BMS1: variants seen among roughly 807,000 people sequenced by gnomAD.
The protein encoded by BMS1 is ribosome biogenesis protein BMS1 homolog.
A neutral mutation model predicts 138.7 loss-of-function variants in BMS1; 53 were observed. The observed-to-expected ratio is 0.38, with a 90% CI of 0.31 to 0.48. The LOEUF is 0.48. Among genes scored for constraint, BMS1 ranks in the 20% least tolerant of loss-of-function variants. The probability of loss-of-function intolerance (pLI) is 0.97; values close to 1 mark genes in which losing one functional copy is unlikely to be tolerated. For missense variants in BMS1, 1,360 were observed against 1,565.5 expected (o/e 0.87, Z 2.22); for synonymous variants, 504 against 539.9 (o/e 0.93, Z 0.92).
Position 42,798,516 on chromosome 10 carries a change from G to T in BMS1, c.2138G>T (p.Gly713Val). Residue 713 changes from glycine to valine, a missense_variant, in exon 12 of 23, where the codon GGA becomes GTA. This residue lies in a region of BMS1 where 697 missense variants were observed against 686.2 expected (regional missense o/e 1.02). Coordinates refer to ENST00000374518, the MANE Select transcript of BMS1 (RefSeq NM_014753.4). ...EEDDDTLEEL[G>V]GLFRVNQPDR... ...GATGATGATACTCTAGAAGAGCTTG[G>T]AGGGTTGTTTCGTGTCAACCAGCCT... 6.2e-7 allele frequency: 1 copy of T among 1,614,262 alleles called. No individual in the cohort carries two copies. Among genetic ancestry groups the T allele is most frequent in the Non-Finnish European group, 8.5e-7 (1 of 1,180,046 alleles).
intron 4 of BMS1, among the ~76,000 whole-genome samples, chr10:42,788,301 G>A (rs1234050177): frequency 6.6e-6 from 1 of 152,000 alleles, no homozygotes; most frequent in Non-Finnish European, 1.5e-5. Flanking sequence ...TTAAAATGTA[G>A]CAAGCTTCTA....
chr10:42,793,278 A>G lies in BMS1; in HGVS notation c.1089+134A>G, dbSNP rs112370215. The stretch of plus-strand genomic sequence containing the variant: ...TCTTGTACTTATAATAAAGGCCCAA[A>G]TGCATATTGTAAATATATAGGATAA... On this transcript the variant is annotated intron_variant, in intron 8 of 22. Coordinates refer to ENST00000374518, the MANE Select transcript of BMS1 (RefSeq NM_014753.4). 1.7e-3 allele frequency: 1,351 copies of G among 815,780 alleles called. 17 individuals carry two copies. The African/African-American group carries it at 0.02, about 12-fold the overall frequency. 50.5% of individuals were successfully genotyped at this position (815,780 alleles called of 1,614,324 possible).
chr10:42,790,624 C>A, intron 5 of BMS1, 113 bp downstream of exon 5: 3 of 1,157,204 alleles, frequency 2.6e-6, no homozygotes, highest in Non-Finnish European at 3.6e-6. Context: ...AAGGCAGAGG[C>A]GGTCGGATCA....
intron 19 of BMS1, 122 bp from the exon 20 acceptor site, chr10:42,822,996 A>G (rs530203022): frequency 9.4e-7 from 1 of 1,059,104 alleles, no homozygotes; most frequent in Non-Finnish European, 1.3e-6. Flanking sequence ...CATTTTGTTT[A>G]TTTTATCACC....
At chr10:42,828,089 C>G (rs1254099748) in intron 21 of BMS1, among the ~76,000 whole-genome samples, 3 of 152,206 alleles carry the variant, frequency 2.0e-5, no homozygotes, top group Non-Finnish European at 2.9e-5. Flanking sequence ...GCTGCCACGC[C>G]CTGGACCAAG....
intron 12 of BMS1, among the ~76,000 whole-genome samples, chr10:42,800,916 G>A (rs1349072470): frequency 6.6e-6 from 1 of 152,170 alleles, no homozygotes; most frequent in Non-Finnish European, 1.5e-5. Context: ...TATAAATGTA[G>A]TTGATGTGCC....
rs1842839554 is a variant in BMS1, at chr10:42,834,091, A to G, written c.*2995A>G. The G allele has an allele frequency of 6.6e-6, 1 of 152,226 alleles. No individual in the cohort carries two copies. The highest frequency in any genetic ancestry group is 1.5e-5 in the Non-Finnish European group (1 of 68,044). 9.4% of individuals were successfully genotyped at this position (152,226 alleles called of 1,614,324 possible). On this transcript the variant is annotated 3_prime_UTR_variant, in exon 23 of 23. Transcript: ENST00000374518. ...AAAATTATTCTGTTATACCTTTTCT[A>G]TTTACTAGGCACAGGCAGCCATAGG... is the stretch of plus-strand genomic sequence containing the variant.
Position 42,792,581 on chromosome 10 carries a change from C to A in BMS1, c.868C>A (p.His290Asn), listed in dbSNP as rs570256607. Residue 290 changes from histidine to asparagine, a missense_variant, in exon 7 of 23, where the codon CAC becomes AAC. By Grantham distance (68) the His-to-Asn change is moderately conservative. Around this residue, in one of 3 missense-constraint regions of BMS1, gnomAD observed 697 missense variants for 686.2 expected, o/e 1.02. Coordinates refer to ENST00000374518, the MANE Select transcript of BMS1 (RefSeq NM_014753.4). ...ACTTTATGGTTATTTAAGAGGAGCA[C>A]ACTTGAAAAATAAAAGCCAAATTCA... ...VSLYGYLRGA[H>N]LKNKSQIHMP... The A allele has an allele frequency of 2.0e-5, 33 of 1,610,432 alleles. No individual in the cohort carries two copies. The South Asian group carries it at 3.5e-4, about 17-fold the overall frequency.
In BMS1 at chr10:42,790,220, A is replaced by G; in HGVS notation, c.448-103A>G. 7 of 1,068,032 alleles carry G rather than the reference A, an allele frequency of 6.6e-6. No homozygotes were observed. The South Asian group carries it at 9.8e-5, about 15-fold the overall frequency. The allele number at this position is 1,068,032 out of a possible 1,614,324, so 66.2% of individuals were successfully genotyped here. A position where few individuals can be genotyped will look rare whatever the true frequency, so the allele number is the denominator to read the frequency against. ...TGTTCCAATAAAACTTTAGTTACAA[A>G]CACAGGTGATGGGCTGGATTTTGCC... On this transcript the variant is annotated intron_variant, in intron 4 of 22. Transcript: ENST00000374518.
At chr10:42,787,567 A>G (rs1280878303) in intron 4 of BMS1, among the ~76,000 whole-genome samples, 2 of 152,370 alleles carry the variant, frequency 1.3e-5, no homozygotes, top group Non-Finnish European at 2.9e-5. Flanking sequence ...TATCATAGTA[A>G]GTACCATTTC....
Position 42,817,361 on chromosome 10 carries a change from A to G in BMS1, c.2447A>G (p.Asp816Gly). 7 of 1,608,270 alleles carry G rather than the reference A, an allele frequency of 4.4e-6. No homozygotes were observed. The highest frequency in any genetic ancestry group is 5.9e-6 in the Non-Finnish European group (7 of 1,178,784). ...EKEVKEEIDP[D>G]EEESAKKKHL... ...GAAGTTAAGGAAGAAATTGACCCCGACGAAGAAGAAAGTGCCAAGAAAAAG... is the reference window on the plus strand; with the variant it reads ...GAAGTTAAGGAAGAAATTGACCCCGGCGAAGAAGAAAGTGCCAAGAAAAAG... Residue 816 changes from aspartate to glycine, a missense_variant, in exon 15 of 23, where the codon GAC becomes GGC. By Grantham distance (94) the Asp-to-Gly change is moderately conservative (BLOSUM62 -1). Coordinates refer to ENST00000374518, the MANE Select transcript of BMS1 (RefSeq NM_014753.4).
intron 4 of BMS1, among the ~76,000 whole-genome samples, chr10:42,789,861 A>G (rs1346679372): frequency 6.6e-6 from 1 of 152,158 alleles, no homozygotes. Flanking sequence ...AGAAAACTTG[A>G]TTTCTTTAAA....
intron 21 of BMS1, among the ~76,000 whole-genome samples, chr10:42,828,716 A>G (rs1842725590): frequency 6.6e-6 from 1 of 152,124 alleles, no homozygotes. Flanking sequence ...CAGCTTAACA[A>G]TGCATTTGAA....
rs1394789710 is a variant in BMS1, at chr10:42,797,132, G to T, written c.1888G>T (p.Gly630Trp). 6.2e-7 allele frequency: 1 copy of T among 1,614,142 alleles called. No individual in the cohort carries two copies. The highest frequency in any genetic ancestry group is 2.2e-5 in the East Asian group (1 of 44,890). Residue 630 changes from glycine (G) to tryptophan (W), a missense_variant, in exon 10 of 23, where the codon GGG becomes TGG. By Grantham distance (184) the Gly-to-Trp change is radical. Coordinates refer to ENST00000374518, the MANE Select transcript of BMS1 (RefSeq NM_014753.4). The part of the protein sequence containing the change: ...PSQVSSGQKL[G>W]PQNFIDETSD... ...TCAAGTGAGCAGTGGTCAGAAACTG[G>T]GGCCACAGAACTTCATTGATGAGAC...
chr10:42,830,513 TTATTC>T, intron 22 of BMS1, 91 bp downstream of exon 22: 1 of 1,486,718 alleles, frequency 6.7e-7, no homozygotes, highest in Middle Eastern at 1.8e-4. Context: ...GTAGTCTCAG[TTATTC>T]AGGGCACTGG....
chr10:42,823,224 G>C lies in BMS1; in HGVS notation c.3239G>C (p.Gly1080Ala), dbSNP rs1364381812. ...AAGAAAGCACTCCGAGCTCCAGAAG[G>C]AGCTTTCAGGGCCAGCTTTGAGGAT... ...QIKKALRAPE[G>A]AFRASFEDKL... Residue 1080 changes from glycine (G) to alanine (A), a missense_variant, in exon 20 of 23, where the codon GGA becomes GCA. This residue lies in a region of BMS1 where 425 missense variants were observed against 568.3 expected (regional missense o/e 0.75). Coordinates refer to ENST00000374518, the MANE Select transcript of BMS1 (RefSeq NM_014753.4). The C allele has an allele frequency of 2.5e-6, 4 of 1,603,140 alleles. No individual in the cohort carries two copies. Among genetic ancestry groups the C allele is most frequent in the Non-Finnish European group, 3.4e-6 (4 of 1,176,698 alleles).
chr10:42,797,042 C>G lies in BMS1; in HGVS notation c.1798C>G (p.Leu600Val). ...SEDESEESSS[L>V]SAEEEDSENE... ...AGATGAATCTGAAGAAAGCTCCTCA[C>G]TCAGTGCAGAGGAAGAAGACTCAGA... The change falls in exon 10 of 23, where the codon CTC (leucine) becomes GTC (valine). Residue 600 changes from leucine to valine, a missense_variant. Leu to Val is a conservative substitution (Grantham distance 32). Transcript: ENST00000374518. 1 of 1,614,180 alleles carries G rather than the reference C, an allele frequency of 6.2e-7. No individual in the cohort carries two copies. The highest frequency in any genetic ancestry group is 8.5e-7 in the Non-Finnish European group (1 of 1,180,026).
Position 42,831,768 on chromosome 10 carries a change from A to G in BMS1, c.*672A>G, listed in dbSNP as rs1842804207. The G allele has an allele frequency of 6.6e-6, 1 of 152,368 alleles. No individual in the cohort carries two copies. Among genetic ancestry groups the G allele is most frequent in the South Asian group, 2.1e-4 (1 of 4,834 alleles). The allele number at this position is 152,368 out of a possible 1,614,324, so 9.4% of individuals were successfully genotyped here. ...TAGGAGATTATTGTCTCAGGTGCAGAGACCAAGGAAATCGTATGTATCAGT... is the reference window on the plus strand; with the variant it reads ...TAGGAGATTATTGTCTCAGGTGCAGGGACCAAGGAAATCGTATGTATCAGT... On this transcript the variant is annotated 3_prime_UTR_variant, in exon 23 of 23. Coordinates refer to ENST00000374518, the MANE Select transcript of BMS1 (RefSeq NM_014753.4).
At chr10:42,810,040 G>A (rs1269275962) in intron 13 of BMS1, among the ~76,000 whole-genome samples, 1 of 151,042 alleles carries the variant, frequency 6.6e-6, no homozygotes, top group African/African-American at 2.4e-5. Context: ...TGGCTTCAAG[G>A]GATCCTCCCA....
Sources: gnomAD v4.1 joint callset for allele counts (sites outside exome capture counted in the v4.1 genomes callset) on GRCh38, gnomAD v4.1.1 for gene constraint, gnomAD v4.1.1 regional missense constraint, MANE v1.5 for transcripts, NCBI Gene and HGNC (gene_info 2026-07-23, HGNC 2026-07-21) for gene names.